Variants in MARVELD3 observed in about 807,000 individuals in gnomAD.
MARVELD3 encodes MARVEL domain containing 3, also known as MARVEL domain-containing protein 3.
A neutral mutation model predicts 33.5 loss-of-function variants in MARVELD3; 28 were observed. The observed-to-expected ratio is 0.84, with a 90% CI of 0.62 to 1.15. MARVELD3 has a LOEUF of 1.15. Among genes scored for constraint, MARVELD3 ranks in the 50% most tolerant of loss-of-function variants. MARVELD3 has a pLI of 0.00. For synonymous variants in MARVELD3, 241 were observed against 230.4 expected, an observed-to-expected ratio of 1.05 and a Z score of -0.42; for missense variants, 582 against 547.6, an observed-to-expected ratio of 1.06 and a Z score of -0.63.
Position 71,636,082 on chromosome 16 carries a change from G to C in MARVELD3, c.*1279G>C. On this transcript the variant is annotated 3_prime_UTR_variant, in exon 3 of 3. Coordinates refer to ENST00000268485, the MANE Select transcript of MARVELD3 (RefSeq NM_052858.6). ...TACTGCACATTAAATTATGACTTAT[G>C]GAACATTGCAATATATTCTCGGTCC... 1 of 985,104 alleles carries C rather than the reference G, an allele frequency of 1.0e-6. No homozygotes were observed. The highest frequency in any genetic ancestry group is 4.7e-5 in the South Asian group (1 of 21,256). The allele number at this position is 985,104 out of a possible 1,614,324, so 61.0% of individuals were successfully genotyped here. A position where few individuals can be genotyped will look rare whatever the true frequency, so the allele number is the denominator to read the frequency against.
chr16:71,639,997 G>A (rs2044605787), downstream of MARVELD3, among the ~76,000 whole-genome samples: 2 of 152,240 alleles, frequency 1.3e-5, no homozygotes, highest in Non-Finnish European at 1.5e-5. Context: ...GGCTGGGTGA[G>A]GTGGCTTACG....
Position 71,635,781 on chromosome 16 carries a change from T to G in MARVELD3, c.*978T>G. ...TTCTGCAAATGGAGGGGGTGGGGAC[T>G]CTTGGGAAACTACTCCTGTAAAATT... On this transcript the variant is annotated 3_prime_UTR_variant, in exon 3 of 3. Transcript: ENST00000268485. The G allele has an allele frequency of 1.0e-6, 1 of 985,350 alleles. No homozygotes were observed. The highest frequency in any genetic ancestry group is 1.2e-6 in the Non-Finnish European group (1 of 829,944). The allele number at this position is 985,350 out of a possible 1,614,324, so 61.0% of individuals were successfully genotyped here. A position where few individuals can be genotyped will look rare whatever the true frequency, so the allele number is the denominator to read the frequency against.
At chr16:71,637,219 C>T (rs988389912), downstream of MARVELD3, among the ~76,000 whole-genome samples, 5 of 152,122 alleles carry the variant, frequency 3.3e-5, no homozygotes, top group Non-Finnish European at 5.9e-5. Context: ...TGTCAGTTGG[C>T]GCAGTCAACA....
chr16:71,629,553 G>A, intron 2 of MARVELD3, 59 bp downstream of exon 2: 1 of 1,492,826 alleles, frequency 6.7e-7, no homozygotes. Context: ...TGGAAGGGAT[G>A]GTCTGAGCTG....
chr16:71,628,493 C>T (rs1276958758), intron 1 of MARVELD3, among the ~76,000 whole-genome samples: 9 of 150,246 alleles, frequency 6.0e-5, no homozygotes, highest in Admixed American at 4.0e-4. Context: ...GCTGAGATCT[C>T]GACACTGCAC....
chr16:71,639,196 C>G (rs1249175469), downstream of MARVELD3: 2 of 148,744 alleles, frequency 1.3e-5, no homozygotes, highest in African/African-American at 4.9e-5. Context: ...CTCAGCCTTC[C>G]AAGTGGGTGG....
downstream of MARVELD3, chr16:71,641,070 A>G (rs1432957767): frequency 6.4e-7 from 1 of 1,560,034 alleles, no homozygotes. Context: ...GTTTCTCTCA[A>G]AAAGACAGGT....
Position 71,634,426 on chromosome 16 carries a change from A to C in MARVELD3, c.829A>C (p.Ser277Arg). ...CATGGTCACTGTGGCAATGGCCTGTAGTGGAGCCCTCACAGCCCTCTGCTG... is the reference window on the plus strand; with the variant it reads ...CATGGTCACTGTGGCAATGGCCTGTCGTGGAGCCCTCACAGCCCTCTGCTG... Reference protein sequence around the residue: ...LPMVTVAMACSGALTALCCLF... With the variant: ...LPMVTVAMACRGALTALCCLF... Residue 277 changes from serine to arginine, a missense_variant, in exon 3 of 3, where the codon AGT (serine) becomes CGT (arginine). Coordinates refer to ENST00000268485, the MANE Select transcript of MARVELD3 (RefSeq NM_052858.6). 1 of 1,614,198 alleles carries C rather than the reference A, an allele frequency of 6.2e-7. No homozygotes were observed. Among genetic ancestry groups the C allele is most frequent in the Non-Finnish European group, 8.5e-7 (1 of 1,180,024 alleles).
chr16:71,634,948 CG>C lies in MARVELD3; in HGVS notation c.*146del. The C allele has an allele frequency of 1.4e-6, 2 of 1,435,660 alleles. No individual in the cohort carries two copies. Among genetic ancestry groups the C allele is most frequent in the African/African-American group, 1.4e-5 (1 of 69,782 alleles). The allele number at this position is 1,435,660 out of a possible 1,614,324, so 88.9% of individuals were successfully genotyped here. A position where few individuals can be genotyped will look rare whatever the true frequency, so the allele number is the denominator to read the frequency against. On this transcript the variant is annotated 3_prime_UTR_variant, in exon 3 of 3. Coordinates refer to ENST00000268485, the MANE Select transcript of MARVELD3 (RefSeq NM_052858.6). ...TGGTGTGGTGGGCGGAGCTCCCAGT[CG>C]CATGGAGCGGTGTTCATGGATGCAA...
intron 1 of MARVELD3, among the ~76,000 whole-genome samples, chr16:71,627,938 G>A (rs1475047118): frequency 6.6e-6 from 1 of 152,206 alleles, no homozygotes; most frequent in Non-Finnish European, 1.5e-5. Context: ...ACAGGTCCGA[G>A]GTGACGACTG....
chr16:71,635,013 C>A lies in MARVELD3; in HGVS notation c.*210C>A. On this transcript the variant is annotated 3_prime_UTR_variant, in exon 3 of 3. Transcript: ENST00000268485. ...CTGGAGTCCTCTGTGAGTGAGGGACCAATCAAAATTATTTTTCAAAAAGCA... is the reference window on the plus strand; with the variant it reads ...CTGGAGTCCTCTGTGAGTGAGGGACAAATCAAAATTATTTTTCAAAAAGCA... 7.8e-7 allele frequency: 1 copy of A among 1,286,394 alleles called. No individual in the cohort carries two copies. The highest frequency in any genetic ancestry group is 2.3e-5 in the South Asian group (1 of 43,538). 79.7% of individuals were successfully genotyped at this position (1,286,394 alleles called of 1,614,324 possible).
At chr16:71,633,044 T>C (rs1008695044) in intron 2 of MARVELD3, among the ~76,000 whole-genome samples, 5 of 152,238 alleles carry the variant, frequency 3.3e-5, no homozygotes, top group South Asian at 4.1e-4. Context: ...CCCTTACAAA[T>C]TGTATTCACC....
chr16:71,627,897 G>A (rs1214268617), intron 1 of MARVELD3, among the ~76,000 whole-genome samples: 3 of 152,168 alleles, frequency 2.0e-5, no homozygotes, highest in Non-Finnish European at 4.4e-5. Context: ...GTGAGCAGAT[G>A]GGATATCTCC....
intron 2 of MARVELD3, among the ~76,000 whole-genome samples, chr16:71,631,024 A>C (rs2044527652): frequency 6.6e-6 from 1 of 152,234 alleles, no homozygotes; most frequent in African/African-American, 2.4e-5. Context: ...TTCTTGGTTT[A>C]CTATGACTAA....
chr16:71,638,315 T>C (rs1231550808), downstream of MARVELD3: 2 of 152,220 alleles, frequency 1.3e-5, no homozygotes, highest in Non-Finnish European at 2.9e-5. Context: ...GACAAATCCA[T>C]CCATACAATG....
At chr16:71,628,727 T>C (rs2044499287) in intron 1 of MARVELD3, among the ~76,000 whole-genome samples, 1 of 152,002 alleles carries the variant, frequency 6.6e-6, no homozygotes, top group South Asian at 2.1e-4. Context: ...CTCCTGTGCA[T>C]GCTAAAAGTT....
intron 2 of MARVELD3, among the ~76,000 whole-genome samples, chr16:71,631,544 A>C (rs1597075743): frequency 6.6e-6 from 1 of 151,594 alleles, no homozygotes; most frequent in Admixed American, 6.6e-5. Flanking sequence ...CCCGGGTGCC[A>C]GTTGAAGCAA....
Position 71,636,158 on chromosome 16 carries a change from A to C in MARVELD3, c.*1355A>C. On this transcript the variant is annotated 3_prime_UTR_variant, in exon 3 of 3. Coordinates refer to ENST00000268485, the MANE Select transcript of MARVELD3 (RefSeq NM_052858.6). ...CAATATATTCTCGGTCCAAGTGAGT[A>C]AGTTCTTTGCTTTATGTGAATCCAA... The C allele has an allele frequency of 1.0e-6, 1 of 985,176 alleles. No individual in the cohort carries two copies. Among genetic ancestry groups the C allele is most frequent in the Non-Finnish European group, 1.2e-6 (1 of 829,694 alleles). 61.0% of individuals were successfully genotyped at this position (985,176 alleles called of 1,614,324 possible).
chr16:71,635,101 G>C lies in MARVELD3; in HGVS notation c.*298G>C. Reference sequence around the variant, plus strand: ...CCAGCACTTTGGGAGGCTGAGGTGGGTGGATCACTTGAGGTCAGGAGCTCG... The same window carrying C: ...CCAGCACTTTGGGAGGCTGAGGTGGCTGGATCACTTGAGGTCAGGAGCTCG... On this transcript the variant is annotated 3_prime_UTR_variant, in exon 3 of 3. Coordinates refer to ENST00000268485, the MANE Select transcript of MARVELD3 (RefSeq NM_052858.6). 1 of 1,018,282 alleles carries C rather than the reference G, an allele frequency of 9.8e-7. No homozygotes were observed. The highest frequency in any genetic ancestry group is 1.2e-6 in the Non-Finnish European group (1 of 839,352). The allele number at this position is 1,018,282 out of a possible 1,614,324, so 63.1% of individuals were successfully genotyped here. A position where few individuals can be genotyped will look rare whatever the true frequency, so the allele number is the denominator to read the frequency against.
Sources: gnomAD v4.1 joint callset for allele counts (sites outside exome capture counted in the v4.1 genomes callset) on GRCh38, gnomAD v4.1.1 for gene constraint, MANE v1.5 for transcripts, NCBI Gene and HGNC (gene_info 2026-07-23, HGNC 2026-07-21) for gene names.